TWF1: variants seen among roughly 807,000 people sequenced by gnomAD.
TWF1 encodes the protein twinfilin actin binding protein 1.
Under a neutral mutation model 47.9 loss-of-function variants are expected in TWF1, and 14 were observed. The ratio of observed to expected loss-of-function variants is 0.29; its 90% confidence interval spans 0.19 to 0.46. The LOEUF (loss-of-function observed/expected upper bound fraction) is 0.46, where lower values mean the gene tolerates loss of function less well. Among genes scored for constraint, TWF1 ranks in the 20% least tolerant of loss-of-function variants. The pLI, the probability that TWF1 is intolerant of heterozygous loss-of-function variation, is 1.00. For synonymous variants in TWF1, 96 were observed against 139.2 expected (o/e 0.69, Z 2.18); for missense variants, 281 against 409.3 (o/e 0.69, Z 2.70).
intron 1 of TWF1, chr12:43,805,845 C>T (rs1451101331): frequency 7.1e-7 from 1 of 1,404,524 alleles, no homozygotes; most frequent in Admixed American, 1.9e-5. Context: ...TTCTCGACAG[C>T]GTACTGAAGC....
chr12:43,794,702 G>C lies in TWF1; in HGVS notation c.*883C>G, dbSNP rs1447352096. 1 of 151,892 alleles carries C rather than the reference G, an allele frequency of 6.6e-6. No homozygotes were observed. Among genetic ancestry groups the C allele is most frequent in the Non-Finnish European group, 1.5e-5 (1 of 67,986 alleles). 9.4% of individuals were successfully genotyped at this position (151,892 alleles called of 1,614,324 possible). ...ATTATTAAGGTGTTTATCTACGTTA[G>C]CCTGTTAAGTACCAGGACTTTAAAG... On this transcript the variant is annotated 3_prime_UTR_variant, in exon 9 of 9. Transcript: ENST00000395510.
chr12:43,806,292 G>A lies in TWF1; in HGVS notation c.-47C>T, dbSNP rs1307457269. ...GCTCCGGCGCTGAGTGCAGCCAGCGGCCCCGGCCGGCGGCCCCAGGAAGTG... is the reference window on the plus strand; with the variant it reads ...GCTCCGGCGCTGAGTGCAGCCAGCGACCCCGGCCGGCGGCCCCAGGAAGTG... On this transcript the variant is annotated 5_prime_UTR_variant, in exon 1 of 9. Transcript: ENST00000395510. The A allele has an allele frequency of 1.4e-6, 2 of 1,442,030 alleles. No homozygotes were observed. The highest frequency in any genetic ancestry group is 1.8e-6 in the Non-Finnish European group (2 of 1,091,774). The allele number at this position is 1,442,030 out of a possible 1,614,324, so 89.3% of individuals were successfully genotyped here. A position where few individuals can be genotyped will look rare whatever the true frequency, so the allele number is the denominator to read the frequency against.
rs1942677117 is a variant in TWF1 at position 43,802,380 on chromosome 12, T to C, written c.188A>G (p.Asp63Gly). ...YDSFVLPLLE[D>G]KQPCYILFRL... The stretch of plus-strand genomic sequence containing the variant: ...GAATAATATATAGCATGGTTGTTTG[T>C]CCTCCAACAGGGGTAAAACAAAGGA... Residue 63 changes from aspartate to glycine, a missense_variant, in exon 3 of 9, where the codon GAC becomes GGC. Coordinates refer to ENST00000395510, the MANE Select transcript of TWF1 (RefSeq NM_002822.5). 1 of 1,606,164 alleles carries C rather than the reference T, an allele frequency of 6.2e-7. No homozygotes were observed. Among genetic ancestry groups the C allele is most frequent in the Non-Finnish European group, 8.5e-7 (1 of 1,175,232 alleles).
At position 43,795,185 on chromosome 12, in the gene TWF1, C is replaced by T. The variant is rs924986156; in HGVS notation, c.*400G>A. On this transcript the variant is annotated 3_prime_UTR_variant, in exon 9 of 9. Transcript: ENST00000395510. ...CTAAGTTTCCAGCTTAGAAAATACT[C>T]TAGCCTGGTCCTTAACATATTCATT... 5.7e-5 allele frequency: 9 copies of T among 156,670 alleles called. No homozygotes were observed. Among genetic ancestry groups the T allele is most frequent in the African/African-American group, 1.7e-4 (7 of 41,512 alleles). The allele number at this position is 156,670 out of a possible 1,614,324, so 9.7% of individuals were successfully genotyped here. A position where few individuals can be genotyped will look rare whatever the true frequency, so the allele number is the denominator to read the frequency against.
At chr12:43,798,593 C>T in intron 5 of TWF1, 1 of 1,488,612 alleles carries the variant, frequency 6.7e-7, no homozygotes, top group Non-Finnish European at 8.9e-7. Flanking sequence ...GCTCTGATTG[C>T]AAGAAATAAA....
In TWF1 at chr12:43,806,268, C is replaced by T. The variant is rs1038274403; in HGVS notation, c.-23G>A. ...CATGGCGGCGGCCGCTAGCTCCCGG[C>T]TCCGGCGCTGAGTGCAGCCAGCGGC... is the stretch of plus-strand genomic sequence containing the variant. On this transcript the variant is annotated 5_prime_UTR_variant, in exon 1 of 9. Coordinates refer to ENST00000395510, the MANE Select transcript of TWF1 (RefSeq NM_002822.5). The T allele has an allele frequency of 9.2e-6, 14 of 1,519,120 alleles. No homozygotes were observed. Among genetic ancestry groups the T allele is most frequent in the East Asian group, 2.7e-5 (1 of 37,622 alleles). The allele number at this position is 1,519,120 out of a possible 1,614,324, so 94.1% of individuals were successfully genotyped here.
Position 43,806,204 on chromosome 12 carries a change from G to A in TWF1, c.25+17C>T. 1 of 1,539,548 alleles carries A rather than the reference G, an allele frequency of 6.5e-7. No homozygotes were observed. The highest frequency in any genetic ancestry group is 8.7e-7 in the Non-Finnish European group (1 of 1,144,398). On this transcript the variant is annotated intron_variant, in intron 1 of 8. Transcript: ENST00000395510. Reference sequence around the variant, plus strand: ...CCCGGAAGCCCCTTCCCTGCGAGTCGCGCCGGGCGCTGTTACCTTGGATGC... The same window carrying A: ...CCCGGAAGCCCCTTCCCTGCGAGTCACGCCGGGCGCTGTTACCTTGGATGC...
At chr12:43,803,374 G>A (rs1019813756) in intron 2 of TWF1, among the ~76,000 whole-genome samples, 1 of 152,052 alleles carries the variant, frequency 6.6e-6, no homozygotes. Context: ...GTTTAAAGGG[G>A]ATGCTCTTAT....
intron 8 of TWF1, 61 bp downstream of exon 8, chr12:43,796,915 C>T: frequency 6.6e-7 from 1 of 1,506,762 alleles, no homozygotes; most frequent in Non-Finnish European, 9.1e-7. Flanking sequence ...ACATCATAAA[C>T]TACATAGAAA....
At chr12:43,799,745 T>G (rs1289774724) in intron 4 of TWF1, among the ~76,000 whole-genome samples, 14 of 152,100 alleles carry the variant, frequency 9.2e-5, no homozygotes, top group Non-Finnish European at 1.8e-4. Flanking sequence ...TGTATGAGTT[T>G]CATACTGGCA....
intron 5 of TWF1, chr12:43,798,552 T>G (rs200208947): frequency 6.6e-7 from 1 of 1,522,948 alleles, no homozygotes; most frequent in Non-Finnish European, 8.8e-7. Context: ...ATAGAACATA[T>G]GCGAATGCAT....
intron 2 of TWF1, among the ~76,000 whole-genome samples, chr12:43,802,959 G>A (rs1473019230): frequency 6.6e-6 from 1 of 152,088 alleles, no homozygotes; most frequent in Non-Finnish European, 1.5e-5. Flanking sequence ...GTATACACTG[G>A]TATAGCCACT....
intron 1 of TWF1, among the ~76,000 whole-genome samples, chr12:43,804,927 TTC>T (rs1942729617): frequency 6.6e-6 from 1 of 152,222 alleles, no homozygotes; most frequent in African/African-American, 2.4e-5. Context: ...CCTGCTTTCA[TTC>T]TCTAATTCAG....
chr12:43,802,695 G>A (rs1405675138), intron 2 of TWF1, among the ~76,000 whole-genome samples: 1 of 152,066 alleles, frequency 6.6e-6, no homozygotes, highest in Non-Finnish European at 1.5e-5. Context: ...CACAGCCTAA[G>A]AAAGAAACAT....
Position 43,795,424 on chromosome 12 carries a change from C to G in TWF1, c.*161G>C, listed in dbSNP as rs1428549139. The G allele has an allele frequency of 5.1e-6, 3 of 588,990 alleles. No homozygotes were observed. Among genetic ancestry groups the G allele is most frequent in the Non-Finnish European group, 8.9e-6 (3 of 337,556 alleles). The allele number at this position is 588,990 out of a possible 1,614,324, so 36.5% of individuals were successfully genotyped here. A position where few individuals can be genotyped will look rare whatever the true frequency, so the allele number is the denominator to read the frequency against. ...CTCAAAAATAGAAATCATGAGTCTT[C>G]TATAACATTAATTTTAAAAACACAC... On this transcript the variant is annotated 3_prime_UTR_variant, in exon 9 of 9. Coordinates refer to ENST00000395510, the MANE Select transcript of TWF1 (RefSeq NM_002822.5).
At chr12:43,801,420 T>C (rs958614349) in intron 3 of TWF1, among the ~76,000 whole-genome samples, 6 of 152,184 alleles carry the variant, frequency 3.9e-5, no homozygotes, top group African/African-American at 1.4e-4. Context: ...GGGATGATCT[T>C]TTGAGAAAAT....
At chr12:43,799,576 C>A in intron 4 of TWF1, 74 bp from the exon 5 acceptor site, 1 of 723,748 alleles carries the variant, frequency 1.4e-6, no homozygotes, top group Admixed American at 3.4e-5. Flanking sequence ...TTAGGAAAAA[C>A]AAAATCATTA....
Position 43,800,629 on chromosome 12 carries a change from A to C in TWF1, c.283-99T>G, listed in dbSNP as rs890195957. The C allele has an allele frequency of 4.2e-5, 38 of 899,100 alleles. No homozygotes were observed. In the Admixed American group the frequency reaches 7.9e-4, roughly 19 times the overall value. The allele number at this position is 899,100 out of a possible 1,614,324, so 55.7% of individuals were successfully genotyped here. On this transcript the variant is annotated intron_variant, in intron 3 of 8. Coordinates refer to ENST00000395510, the MANE Select transcript of TWF1 (RefSeq NM_002822.5). ...TATTAATATCCTGAATCACATTAAA[A>C]ACAAAACTGAGCTGAAGTCCACCCA...
intron 4 of TWF1, 133 bp from the exon 5 acceptor site, chr12:43,799,635 C>T (rs1168679126): frequency 7.8e-6 from 4 of 512,326 alleles, no homozygotes; most frequent in African/African-American, 5.9e-5. Context: ...ATTTTAATAT[C>T]TTTTTACTTT....
Sources: gnomAD v4.1 joint callset for allele counts (sites outside exome capture counted in the v4.1 genomes callset) on GRCh38, gnomAD v4.1.1 for gene constraint, MANE v1.5 for transcripts, NCBI Gene and HGNC (gene_info 2026-07-23, HGNC 2026-07-21) for gene names.